HDAC9: variants seen among roughly 807,000 people sequenced by gnomAD.
The protein encoded by HDAC9 is MEF-2 interacting transcription repressor (MITR) protein.
Under a neutral mutation model 139.4 loss-of-function variants are expected in HDAC9, and 41 were observed. That is an observed-to-expected ratio of 0.29 (90% CI 0.23 to 0.38). The LOEUF is 0.38. Among genes scored for constraint, HDAC9 ranks in the 10% least tolerant of loss-of-function variants. The pLI, the probability that HDAC9 is intolerant of heterozygous loss-of-function variation, is 1.00. For missense variants in HDAC9, 1,147 were observed against 1,297.0 expected, an observed-to-expected ratio of 0.88 and a Z score of 1.78; for synonymous variants, 517 against 476.2, an observed-to-expected ratio of 1.09 and a Z score of -1.12.
chr7:18,938,560 A>G (rs1276556530), intron 23 of HDAC9, among the ~76,000 whole-genome samples: 5 of 152,170 alleles, frequency 3.3e-5, no homozygotes, highest in Admixed American at 1.3e-4. Flanking sequence ...GCACCACTGC[A>G]TTCCAGCCTG....
chr7:18,641,307 C>T (rs2129011264), intron 8 of HDAC9, among the ~76,000 whole-genome samples: 1 of 152,122 alleles, frequency 6.6e-6, no homozygotes, highest in South Asian at 2.1e-4. Context: ...TGTGAGTAGG[C>T]CACCCCTACC....
chr7:18,762,097 T>A, intron 14 of HDAC9, 60 bp from the exon 15 acceptor site: 1 of 1,587,314 alleles, frequency 6.3e-7, no homozygotes, highest in Non-Finnish European at 8.6e-7. Flanking sequence ...TGACTTGGGG[T>A]CTCATTTTCT....
intron 2 of HDAC9, among the ~76,000 whole-genome samples, chr7:18,273,768 G>A (rs1430275986): frequency 3.3e-5 from 5 of 152,134 alleles, no homozygotes; most frequent in Non-Finnish European, 7.4e-5. Context: ...AATAATATAA[G>A]TAACACAGTG....
At chr7:18,212,796 A>C (rs190006410) in intron 2 of HDAC9, among the ~76,000 whole-genome samples, 233 of 152,324 alleles carry the variant, frequency 1.5e-3, no homozygotes, top group African/African-American at 5.4e-3. Flanking sequence ...AGACTAAACC[A>C]AAGTGTCACA....
intron 1 of HDAC9, among the ~76,000 whole-genome samples, chr7:18,160,303 A>T (rs1304430434): frequency 6.6e-6 from 1 of 152,256 alleles, no homozygotes; most frequent in Non-Finnish European, 1.5e-5. Context: ...AGAATCAAGA[A>T]TGTATCAAGA....
chr7:18,322,337 A>G (rs1800092308), intron 1 of HDAC9, among the ~76,000 whole-genome samples: 1 of 152,142 alleles, frequency 6.6e-6, no homozygotes, highest in Non-Finnish European at 1.5e-5. Flanking sequence ...TGAGAAAGGG[A>G]TATTGAGTGT....
intron 1 of HDAC9, among the ~76,000 whole-genome samples, chr7:18,331,585 C>T (rs2128647598): frequency 6.6e-6 from 1 of 150,838 alleles, no homozygotes; most frequent in South Asian, 2.1e-4. Context: ...CAAGTTACTC[C>T]CAAAGAAGTT....
intron 7 of HDAC9, among the ~76,000 whole-genome samples, chr7:18,630,057 T>A (rs1258132110): frequency 6.6e-6 from 1 of 152,056 alleles, no homozygotes; most frequent in African/African-American, 2.4e-5. Context: ...GGAAGAGTTA[T>A]TTTTTTAGCT....
At chr7:18,863,918 C>T (rs1399102276) in intron 21 of HDAC9, among the ~76,000 whole-genome samples, 2 of 152,202 alleles carry the variant, frequency 1.3e-5, no homozygotes, top group East Asian at 3.9e-4. Flanking sequence ...ACTGTGAGTA[C>T]TGCTACAATG....
At chr7:18,732,896 C>CACACGTGTGCGTATGTGTAT (rs1562893414) in intron 13 of HDAC9, among the ~76,000 whole-genome samples, 8,492 of 86,910 alleles carry the variant, frequency 0.098, 2,102 homozygotes, top group Non-Finnish European at 0.13. Context: ...TATGTGTACA[C>CACACGTGTGCGTATGTGTAT]ACACACGTGT....
At position 18,842,682 on chromosome 7, in the gene HDAC9, C is replaced by T. The variant is rs549949560; in HGVS notation, c.2684+6685C>T. ...TTCAAAAATAAATATAGTTTAAGGACATTTTTTCTCTCATCTGTTCAACAT... is the reference window on the plus strand; with the variant it reads ...TTCAAAAATAAATATAGTTTAAGGATATTTTTTCTCTCATCTGTTCAACAT... On this transcript the variant is annotated intron_variant, in intron 21 of 25. Transcript: ENST00000686413. Among the ~76,000 whole-genome samples, 24 of 152,178 alleles carry T rather than the reference C, an allele frequency of 1.6e-4. 1 individual carries two copies. In the South Asian group the frequency reaches 4.4e-3, roughly 28 times the overall value.
intron 1 of HDAC9, among the ~76,000 whole-genome samples, chr7:18,386,955 G>T (rs138912507): frequency 7.9e-5 from 12 of 152,090 alleles, no homozygotes; most frequent in African/African-American, 2.9e-4. Context: ...TTCACCTCCC[G>T]CAATGTGGCA....
intron 2 of HDAC9, among the ~76,000 whole-genome samples, chr7:18,237,179 G>A (rs969789121): frequency 3.3e-5 from 5 of 152,210 alleles, no homozygotes; most frequent in East Asian, 1.9e-4. Flanking sequence ...AACTGGCTAC[G>A]GAGAGTTGCT....
intron 1 of HDAC9, among the ~76,000 whole-genome samples, chr7:18,308,265 C>T (rs1201657750): frequency 6.6e-6 from 1 of 152,138 alleles, no homozygotes; most frequent in Non-Finnish European, 1.5e-5. Flanking sequence ...AAAACCAAGC[C>T]TACGTAGAAT....
intron 13 of HDAC9, among the ~76,000 whole-genome samples, chr7:18,729,681 T>C (rs937209527): frequency 3.3e-5 from 5 of 152,172 alleles, no homozygotes; most frequent in Non-Finnish European, 5.9e-5. Flanking sequence ...AGTTAGGTTT[T>C]TTTCCCCCTC....
intron 1 of HDAC9, among the ~76,000 whole-genome samples, chr7:18,403,213 A>G (rs959426407): frequency 6.6e-6 from 1 of 152,208 alleles, no homozygotes; most frequent in Admixed American, 6.5e-5. Flanking sequence ...ATATACTTAC[A>G]TAGCAAGATA....
chr7:18,457,949 A>G (rs1793494229), intron 1 of HDAC9, among the ~76,000 whole-genome samples: 1 of 152,124 alleles, frequency 6.6e-6, no homozygotes, highest in Non-Finnish European at 1.5e-5. Context: ...CACTGACACT[A>G]CAGAGTCTGG....
chr7:18,300,836 A>T (rs554291021), intron 1 of HDAC9, among the ~76,000 whole-genome samples: 166 of 152,284 alleles, frequency 1.1e-3, no homozygotes, highest in African/African-American at 3.8e-3. Flanking sequence ...GACAAAAAAT[A>T]CTTCTAGGAA....
At chr7:18,866,528 C>G (rs1277167215) in intron 21 of HDAC9, among the ~76,000 whole-genome samples, 2 of 152,162 alleles carry the variant, frequency 1.3e-5, no homozygotes, top group Non-Finnish European at 2.9e-5. Context: ...TGTTTTCCAC[C>G]TGCCTTTCCT....
Sources: gnomAD v4.1 joint callset for allele counts (sites outside exome capture counted in the v4.1 genomes callset) on GRCh38, gnomAD v4.1.1 for gene constraint, MANE v1.5 for transcripts, NCBI Gene and HGNC (gene_info 2026-07-23, HGNC 2026-07-21) for gene names.